ANO5: variants seen among roughly 807,000 people sequenced by gnomAD.
ANO5 encodes the protein anoctamin-5.
Under a neutral mutation model 121.0 loss-of-function variants are expected in ANO5, and 109 were observed. The observed-to-expected ratio is 0.90, with a 90% CI of 0.77 to 1.06. The LOEUF is 1.06. Ranked by LOEUF, ANO5 falls within the 50% of genes least tolerant of loss-of-function variation. The pLI, the probability that ANO5 is intolerant of heterozygous loss-of-function variation, is 0.00. For missense variants in ANO5, 1,064 were observed against 1,078.5 expected (o/e 0.99, Z 0.19); for synonymous variants, 406 against 359.9 (o/e 1.13, Z -1.45).
At chr11:22,278,043 T>G (rs1407955816) in intron 21 of ANO5, 1 of 151,754 alleles carries the variant, frequency 6.6e-6, no homozygotes, top group Non-Finnish European at 1.5e-5. Flanking sequence ...AAAAAAATTT[T>G]TAATCAACTT....
Position 22,282,961 on chromosome 11 carries a change from A to G in ANO5, c.*3196A>G, listed in dbSNP as rs886048142. ...TGGCCAGCCTTACAAGTCAGCCACA[A>G]TGAGTCGGTATAACTACTGTGTTAT... On this transcript the variant is annotated 3_prime_UTR_variant, in exon 22 of 22. Transcript: ENST00000324559. 2 of 152,254 alleles carry G rather than the reference A, an allele frequency of 1.3e-5. No homozygotes were observed. The highest frequency in any genetic ancestry group is 2.9e-5 in the Non-Finnish European group (2 of 68,044). The allele number at this position is 152,254 out of a possible 1,614,324, so 9.4% of individuals were successfully genotyped here.
chr11:22,220,382 T>C (rs1172542909), intron 4 of ANO5, among the ~76,000 whole-genome samples: 1 of 152,006 alleles, frequency 6.6e-6, no homozygotes, highest in African/African-American at 2.4e-5. Flanking sequence ...CTCTCTCATG[T>C]TTTTGCTGTT....
intron 9 of ANO5, among the ~76,000 whole-genome samples, chr11:22,243,197 AT>A (rs1853489143): frequency 6.6e-6 from 1 of 151,918 alleles, no homozygotes; most frequent in Non-Finnish European, 1.5e-5. Flanking sequence ...TCTTAATCCT[AT>A]TTATGTGGTG....
In ANO5 at chr11:22,193,159, C is replaced by G. The variant is rs1185328629; in HGVS notation, c.-334C>G. 1.7e-6 allele frequency: 2 copies of G among 1,176,896 alleles called. No homozygotes were observed. Among genetic ancestry groups the G allele is most frequent in the Non-Finnish European group, 2.1e-6 (2 of 941,350 alleles). 72.9% of individuals were successfully genotyped at this position (1,176,896 alleles called of 1,614,324 possible). A position where few individuals can be genotyped will look rare whatever the true frequency, so the allele number is the denominator to read the frequency against. ...TGCCGAGCAGGCACAGGGACAGGTG[C>G]CTGGAGAAGTACTGGGAGAGCGCCC... On this transcript the variant is annotated 5_prime_UTR_variant, in exon 1 of 22. Coordinates refer to ENST00000324559, the MANE Select transcript of ANO5 (RefSeq NM_213599.3).
In ANO5 at chr11:22,239,692, T is replaced by A. The variant is rs1191240855; in HGVS notation, c.878+8T>A. On this transcript the variant is annotated splice_region_variant and intron_variant, in intron 9 of 21. Coordinates refer to ENST00000324559, the MANE Select transcript of ANO5 (RefSeq NM_213599.3). ...GCCTTTAGACTTGATTAAGTAAGTTTCATACACAGGATCAGACCAATTAAA... is the reference window on the plus strand; with the variant it reads ...GCCTTTAGACTTGATTAAGTAAGTTACATACACAGGATCAGACCAATTAAA... The A allele has an allele frequency of 6.4e-7, 1 of 1,566,162 alleles. No homozygotes were observed. The highest frequency in any genetic ancestry group is 8.8e-7 in the Non-Finnish European group (1 of 1,136,870).
intron 3 of ANO5, among the ~76,000 whole-genome samples, chr11:22,213,530 T>G (rs561481017): frequency 5.9e-5 from 9 of 151,968 alleles, no homozygotes; most frequent in Non-Finnish European, 1.2e-4. Context: ...CAAGGGTATA[T>G]TCTATCAACA....
rs763125539 is a variant in ANO5, at chr11:22,259,660, A to G, written c.1549A>G (p.Thr517Ala). Residue 517 changes from threonine to alanine, a missense_variant, in exon 15 of 22, where the codon ACA becomes GCA. By Grantham distance (58) the Thr-to-Ala change is moderately conservative. Transcript: ENST00000324559. ...FLTPQITTSL[T>A]GSCLNFIVIL... ...TACTCCTCAGATAACCACATCACTC[A>G]CAGGATCATGCTTGAACTTTATTGT... 1 of 1,614,100 alleles carries G rather than the reference A, an allele frequency of 6.2e-7. No individual in the cohort carries two copies. Among genetic ancestry groups the G allele is most frequent in the African/African-American group, 1.3e-5 (1 of 75,046 alleles).
At chr11:22,198,405 A>C (rs1851871848) in intron 1 of ANO5, among the ~76,000 whole-genome samples, 2 of 152,200 alleles carry the variant, frequency 1.3e-5, no homozygotes, top group Non-Finnish European at 2.9e-5. Context: ...CTAGAGAAAG[A>C]AAGCTGTAAT....
chr11:22,279,837 A>T lies in ANO5; in HGVS notation c.*72A>T. The T allele has an allele frequency of 3.1e-6, 4 of 1,274,546 alleles. No individual in the cohort carries two copies. Among genetic ancestry groups the T allele is most frequent in the Non-Finnish European group, 4.5e-6 (4 of 897,676 alleles). The allele number at this position is 1,274,546 out of a possible 1,614,324, so 79.0% of individuals were successfully genotyped here. On this transcript the variant is annotated 3_prime_UTR_variant, in exon 22 of 22. Transcript: ENST00000324559. ...TCCTCTGGTTTTAGGGCCAGACGCC[A>T]GAAGCCATGTGTCAATTTTACCCTT...
Position 22,280,982 on chromosome 11 carries a change from G to GA in ANO5, c.*1223dup, listed in dbSNP as rs959505730. On this transcript the variant is annotated 3_prime_UTR_variant, in exon 22 of 22. Transcript: ENST00000324559. ...TTCATGGACTTAATAATCTAAGGGGGAAAAAATGTTTGTTGAATTATTCCT... is the reference window on the plus strand; with the variant it reads ...TTCATGGACTTAATAATCTAAGGGGGAAAAAAATGTTTGTTGAATTATTCCT... 4 of 151,824 alleles carry GA rather than the reference G, an allele frequency of 2.6e-5. No homozygotes were observed. Among genetic ancestry groups the GA allele is most frequent in the Non-Finnish European group, 5.9e-5 (4 of 67,854 alleles). 9.4% of individuals were successfully genotyped at this position (151,824 alleles called of 1,614,324 possible).
intron 7 of ANO5, among the ~76,000 whole-genome samples, chr11:22,231,603 GAT>G (rs765519868): frequency 1.3e-4 from 20 of 151,646 alleles, no homozygotes; most frequent in Non-Finnish European, 2.9e-4. Flanking sequence ...TTTCACATCT[GAT>G]AGCTATTCAG....
In ANO5 at chr11:22,279,783, C is replaced by G. The variant is rs748799073; in HGVS notation, c.*18C>G. The G allele has an allele frequency of 2.5e-6, 4 of 1,598,036 alleles. No individual in the cohort carries two copies. The highest frequency in any genetic ancestry group is 3.4e-6 in the Non-Finnish European group (4 of 1,167,192). ...CACTCTAATCAGTATAGTGAGGAAGCAGCAGGTGATCTGCCTTACTTCACT... is the reference window on the plus strand; with the variant it reads ...CACTCTAATCAGTATAGTGAGGAAGGAGCAGGTGATCTGCCTTACTTCACT... On this transcript the variant is annotated 3_prime_UTR_variant, in exon 22 of 22. Coordinates refer to ENST00000324559, the MANE Select transcript of ANO5 (RefSeq NM_213599.3).
chr11:22,264,686 A>G (rs531994690), intron 17 of ANO5, among the ~76,000 whole-genome samples: 62 of 152,306 alleles, frequency 4.1e-4, no homozygotes, highest in African/African-American at 1.5e-3. Flanking sequence ...CTAACAACAT[A>G]AGGAAAGGTG....
intron 17 of ANO5, among the ~76,000 whole-genome samples, chr11:22,268,425 T>C (rs890968773): frequency 1.4e-5 from 2 of 143,932 alleles, no homozygotes; most frequent in African/African-American, 3.0e-5. Flanking sequence ...CTATTGTAAA[T>C]GATATCTTTT....
At chr11:22,244,451 G>T (rs887116266) in intron 9 of ANO5, among the ~76,000 whole-genome samples, 7 of 151,872 alleles carry the variant, frequency 4.6e-5, no homozygotes, top group Non-Finnish European at 7.4e-5. Context: ...GGTGAGATTG[G>T]GGACATTTTT....
intron 2 of ANO5, among the ~76,000 whole-genome samples, chr11:22,207,510 T>A (rs1483111852): frequency 6.6e-6 from 1 of 152,134 alleles, no homozygotes; most frequent in African/African-American, 2.4e-5. Flanking sequence ...TTATAACTTA[T>A]ACAAAATTAA....
chr11:22,272,302 G>GCACACACACACACACACA (rs60487083), intron 18 of ANO5, among the ~76,000 whole-genome samples: 59 of 134,566 alleles, frequency 4.4e-4, no homozygotes, highest in East Asian at 1.4e-3. Context: ...TCCTTTTCCG[G>GCACACACACACACACACA]CACACACACA....
At chr11:22,266,111 G>A (rs1854355855) in intron 17 of ANO5, among the ~76,000 whole-genome samples, 1 of 152,030 alleles carries the variant, frequency 6.6e-6, no homozygotes, top group Non-Finnish European at 1.5e-5. Context: ...AACTCAAAAT[G>A]GATCATAGAC....
At chr11:22,268,832 A>G (rs1267028150) in intron 17 of ANO5, among the ~76,000 whole-genome samples, 1 of 152,176 alleles carries the variant, frequency 6.6e-6, no homozygotes, top group African/African-American at 2.4e-5. Context: ...CCTGGGCAAC[A>G]TAATGGGACC....
Sources: gnomAD v4.1 joint callset for allele counts (sites outside exome capture counted in the v4.1 genomes callset) on GRCh38, gnomAD v4.1.1 for gene constraint, MANE v1.5 for transcripts, NCBI Gene and HGNC (gene_info 2026-07-23, HGNC 2026-07-21) for gene names.